Variants in BCL3 observed in about 807,000 individuals in gnomAD.
BCL3 encodes B-cell lymphoma 3 protein.
BCL3 carries 15 observed loss-of-function variants against 35.7 expected under a neutral mutation model. The ratio of observed to expected loss-of-function variants is 0.42; its 90% CI spans 0.28 to 0.65. The LOEUF is 0.65. BCL3 is among the 30% of genes least tolerant of loss of function. BCL3 has a pLI of 0.22. For missense variants in BCL3, 565 were observed against 641.7 expected (o/e 0.88, Z 1.29); for synonymous variants, 311 against 284.3 (o/e 1.09, Z -0.95).
At position 44,759,578 on chromosome 19, in the gene BCL3, G is replaced by A. The variant is rs775770878; in HGVS notation, c.1328G>A (p.Arg443Gln). The change falls in exon 9 of 9, where the codon CGG becomes CAG. Residue 443 changes from arginine to glutamine, a missense_variant. By Grantham distance (43) the Arg-to-Gln change is conservative. Coordinates refer to ENST00000164227, the MANE Select transcript of BCL3 (RefSeq NM_005178.5). ...PFAGVLRGPGRPVPPSPAPGG... is the reference protein window; with the variant it reads ...PFAGVLRGPGQPVPPSPAPGG... The stretch of plus-strand genomic sequence containing the variant: ...GCTGGGGTCCTCCGAGGCCCTGGCC[G>A]GCCGGTGCCCCCCTCCCCAGCTCCA... The A allele has an allele frequency of 1.4e-5, 22 of 1,609,280 alleles. No individual in the cohort carries two copies. The highest frequency in any genetic ancestry group is 1.7e-4 in the Middle Eastern group (1 of 6,054).
At position 44,757,207 on chromosome 19, in the gene BCL3, C is replaced by T. The variant is rs1281208864; in HGVS notation, c.710C>T (p.Ala237Val). ...GCTCCGGGCACGTTGGACCTGGAGGCCCGCAATTATGACGGTAAGCATTTA... is the reference window on the plus strand; with the variant it reads ...GCTCCGGGCACGTTGGACCTGGAGGTCCGCAATTATGACGGTAAGCATTTA... ...SAAPGTLDLE[A>V]RNYDGLTALH... The change falls in exon 4 of 9, where the codon GCC becomes GTC. Residue 237 changes from alanine (A) to valine (V), a missense_variant. Coordinates refer to ENST00000164227, the MANE Select transcript of BCL3 (RefSeq NM_005178.5). This position sits in a 1 kb window ranked among gnomAD's most constrained non-coding sequence, Gnocchi z 8.4. 3 of 1,555,176 alleles carry T rather than the reference C, an allele frequency of 1.9e-6. No homozygotes were observed. Among genetic ancestry groups the T allele is most frequent in the Non-Finnish European group, 2.6e-6 (3 of 1,146,088 alleles).
At chr19:44,747,931 A>G, upstream of BCL3, 9 of 771,594 alleles carry the variant, frequency 1.2e-5, no homozygotes, top group Non-Finnish European at 1.6e-5. Context: ...AGCGCTCCCC[A>G]CCCTCACCCC....
upstream of BCL3, chr19:44,747,831 C>A: frequency 8.7e-6 from 10 of 1,144,758 alleles, no homozygotes; most frequent in Non-Finnish European, 9.8e-6. Flanking sequence ...TCTCTCTGTG[C>A]ACCTAGGATT....
At chr19:44,759,025 A>G (rs553007688) in intron 8 of BCL3, among the ~76,000 whole-genome samples, 184 bp downstream of exon 8, 262 of 8,588 alleles carry the variant, frequency 0.031, 1 homozygote, top group Non-Finnish European at 0.046. Flanking sequence ...CTCAGACCCC[A>G]GCCCCTCCTC....
chr19:44,757,406 C>T lies in BCL3; in HGVS notation c.804C>T (p.Ile268=), dbSNP rs146200502. Residue 268 remains isoleucine (I), a synonymous_variant, in exon 5 of 9, where the codon ATC becomes ATT. Coordinates refer to ENST00000164227, the MANE Select transcript of BCL3 (RefSeq NM_005178.5). This position sits in a 1 kb window ranked among gnomAD's most constrained non-coding sequence, Gnocchi z 8.4. The part of the protein sequence containing the change: ...VQLLLERGAD[I]DAVDIKSGRS... ...TCTTGCTAGAGCGCGGTGCCGACAT[C>T]GACGCAGTGGTGAGCGTGCACTAGG... The T allele has an allele frequency of 6.3e-7, 1 of 1,597,670 alleles. No homozygotes were observed. Among genetic ancestry groups the T allele is most frequent in the African/African-American group, 1.3e-5 (1 of 74,198 alleles).
Position 44,757,520 on chromosome 19 carries a change from G to T in BCL3, c.813+105G>T, listed in dbSNP as rs1214490620. The T allele has an allele frequency of 6.7e-7, 1 of 1,495,440 alleles. No homozygotes were observed. Among genetic ancestry groups the T allele is most frequent in the Non-Finnish European group, 9.2e-7 (1 of 1,091,718 alleles). 92.6% of individuals were successfully genotyped at this position (1,495,440 alleles called of 1,614,324 possible). The stretch of plus-strand genomic sequence containing the variant: ...CTGGCGTGGGAGAGCACCCGGGTGG[G>T]GTGGGGCTTGGAGTATCAGACCCAA... On this transcript the variant is annotated intron_variant, in intron 5 of 8. Transcript: ENST00000164227. This position sits in a 1 kb window ranked among gnomAD's most constrained non-coding sequence, Gnocchi z 8.4.
intron 2 of BCL3, 38 bp downstream of exon 2, chr19:44,751,418 G>A: frequency 6.6e-7 from 1 of 1,520,144 alleles, no homozygotes; most frequent in Non-Finnish European, 8.8e-7. Flanking sequence ...GGGGTGGTTG[G>A]GAAGACCAGC....
chr19:44,753,833 G>T (rs955320129), intron 2 of BCL3, among the ~76,000 whole-genome samples: 125 of 139,082 alleles, frequency 9.0e-4, no homozygotes, highest in Non-Finnish European at 1.1e-3. Flanking sequence ...GGGGGCGGGG[G>T]GGGGGGGTGA....
chr19:44,749,287 G>T (rs904046574), intron 1 of BCL3, among the ~76,000 whole-genome samples: 1 of 59,366 alleles, frequency 1.7e-5, no homozygotes, highest in African/African-American at 7.7e-5. Context: ...AGTGACGTGG[G>T]GGGGGGGGGG....
chr19:44,749,396 G>T (rs1181360415), intron 1 of BCL3, among the ~76,000 whole-genome samples: 2 of 152,028 alleles, frequency 1.3e-5, no homozygotes, highest in African/African-American at 4.8e-5. Flanking sequence ...TCTTAAGCCA[G>T]ATGTGTAGCG....
Position 44,749,023 on chromosome 19 carries a change from G to A in BCL3, c.233G>A (p.Arg78Gln). 2 of 1,360,870 alleles carry A rather than the reference G, an allele frequency of 1.5e-6. No individual in the cohort carries two copies. Among genetic ancestry groups the A allele is most frequent in the South Asian group, 1.7e-5 (1 of 59,904 alleles). The allele number at this position is 1,360,870 out of a possible 1,614,324, so 84.3% of individuals were successfully genotyped here. A position where few individuals can be genotyped will look rare whatever the true frequency, so the allele number is the denominator to read the frequency against. Residue 78 changes from arginine (R) to glutamine (Q), a missense_variant, in exon 1 of 9, where the codon CGG becomes CAG. Coordinates refer to ENST00000164227, the MANE Select transcript of BCL3 (RefSeq NM_005178.5). ...CCCGGGCCCCCCCACGGCCTGGCCC[G>A]GCCGGAGGCGCTTTACTACCCCGGT... is the stretch of plus-strand genomic sequence containing the variant. ...AVPGPPHGLA[R>Q]PEALYYPGAL...
At position 44,757,494 on chromosome 19, in the gene BCL3, G is replaced by T. The variant is rs917911072; in HGVS notation, c.813+79G>T. ...TTGGCGGGGGCGGGGCCAGTGTGGG[G>T]CTGGCGTGGGAGAGCACCCGGGTGG... On this transcript the variant is annotated intron_variant, in intron 5 of 8. Transcript: ENST00000164227. This position sits in a 1 kb window ranked among gnomAD's most constrained non-coding sequence, Gnocchi z 8.4. The T allele has an allele frequency of 6.7e-7, 1 of 1,486,402 alleles. No individual in the cohort carries two copies. Among genetic ancestry groups the T allele is most frequent in the Non-Finnish European group, 9.1e-7 (1 of 1,094,408 alleles). The allele number at this position is 1,486,402 out of a possible 1,614,324, so 92.1% of individuals were successfully genotyped here. A position where few individuals can be genotyped will look rare whatever the true frequency, so the allele number is the denominator to read the frequency against.
chr19:44,753,647 G>T (rs1321509012), intron 2 of BCL3, among the ~76,000 whole-genome samples: 1 of 152,186 alleles, frequency 6.6e-6, no homozygotes, highest in Non-Finnish European at 1.5e-5. Flanking sequence ...CACCCGCGGG[G>T]GAGGGCAGTG....
At chr19:44,754,892 G>T (rs536918911) in intron 2 of BCL3, among the ~76,000 whole-genome samples, 1 of 152,388 alleles carries the variant, frequency 6.6e-6, no homozygotes, top group South Asian at 2.1e-4. Flanking sequence ...ACGCGGCTAC[G>T]CTAGGAGGGG....
chr19:44,757,052 G>A lies in BCL3; in HGVS notation c.555G>A (p.Pro185=), dbSNP rs1350084194. ...PLHLAVITTL[P]SVVRLLVTAG... ...ACCTGGCTGTGATCACCACATTACC[G>A]TCTGTGGTCCGGCTCCTGGTGACAG... The change falls in exon 4 of 9, where the codon CCG becomes CCA. Residue 185 remains proline (P), a synonymous_variant. Transcript: ENST00000164227. This position sits in a 1 kb window ranked among gnomAD's most constrained non-coding sequence, Gnocchi z 8.4. The A allele has an allele frequency of 6.2e-7, 1 of 1,611,204 alleles. No individual in the cohort carries two copies.
intron 2 of BCL3, chr19:44,755,456 C>A (rs951521090): frequency 6.6e-6 from 1 of 152,262 alleles, no homozygotes; most frequent in African/African-American, 2.4e-5. Context: ...CTTGGACAAG[C>A]AGCTCTCTTG....
At chr19:44,751,000 G>C (rs1004987495) in intron 1 of BCL3, among the ~76,000 whole-genome samples, 2 of 152,104 alleles carry the variant, frequency 1.3e-5, no homozygotes, top group African/African-American at 4.8e-5. Context: ...GAAGATAAGT[G>C]ACAATGAGGG....
At chr19:44,752,346 G>A (rs529631534) in intron 2 of BCL3, among the ~76,000 whole-genome samples, 3 of 151,246 alleles carry the variant, frequency 2.0e-5, no homozygotes, top group East Asian at 1.9e-4. Flanking sequence ...GACCACAGAC[G>A]CTACCCCCAC....
In BCL3 at chr19:44,757,569, G is replaced by T. The variant is rs1967320837; in HGVS notation, c.814-77G>T. 2 of 1,562,834 alleles carry T rather than the reference G, an allele frequency of 1.3e-6. No individual in the cohort carries two copies. The highest frequency in any genetic ancestry group is 1.8e-6 in the Non-Finnish European group (2 of 1,136,910). ...AAGAGAGAGGCTGGACCCCGCGAAT[G>T]GGATGTGGACGGGATGCGGGTCGCC... On this transcript the variant is annotated intron_variant, in intron 5 of 8. Transcript: ENST00000164227. The surrounding 1 kb of genome is among the most constrained non-coding windows in gnomAD (Gnocchi z 8.4).
Sources: allele counts gnomAD v4.1 joint callset (sites outside exome capture counted in the v4.1 genomes callset), GRCh38; gene constraint gnomAD v4.1.1; non-coding constraint Gnocchi (gnomAD v3.1); transcripts MANE v1.5; gene names NCBI Gene and HGNC (gene_info 2026-07-23, HGNC 2026-07-21).